CAP2: variants seen among roughly 807,000 people sequenced by gnomAD.
CAP2 encodes cyclase associated actin cytoskeleton regulatory protein 2, also known as adenylyl cyclase-associated protein 2.
CAP2 carries 24 observed loss-of-function variants against 57.7 expected under a neutral mutation model. That is an observed-to-expected ratio of 0.42 (90% CI 0.30 to 0.58). CAP2 has a LOEUF of 0.58. Among genes scored for constraint, CAP2 ranks in the 20% least tolerant of loss-of-function variants. CAP2 has a pLI of 0.22. For missense variants in CAP2, 501 were observed against 590.3 expected, an observed-to-expected ratio of 0.85 and a Z score of 1.57; for synonymous variants, 194 against 207.2, an observed-to-expected ratio of 0.94 and a Z score of 0.55.
At chr6:17,439,312 A>T (rs866396261) in intron 3 of CAP2, among the ~76,000 whole-genome samples, 1 of 148,796 alleles carries the variant, frequency 6.7e-6, no homozygotes, top group Non-Finnish European at 1.5e-5. Context: ...TAATCAGTCC[A>T]TTTCCCCCAT....
At chr6:17,543,624 C>CAAAAAAAAA (rs66747239) in intron 11 of CAP2, among the ~76,000 whole-genome samples, 3 of 83,918 alleles carry the variant, frequency 3.6e-5, no homozygotes, top group South Asian at 4.1e-4. Context: ...GACTCCATCT[C>CAAAAAAAAA]AAAAAAAAAA....
intron 3 of CAP2, among the ~76,000 whole-genome samples, chr6:17,432,113 C>A (rs1292354169): frequency 6.6e-6 from 1 of 152,204 alleles, no homozygotes; most frequent in Non-Finnish European, 1.5e-5. Context: ...TCTTCCTTTA[C>A]ATGAATCTTA....
intron 1 of CAP2, among the ~76,000 whole-genome samples, chr6:17,408,696 C>G (rs913586081): frequency 1.4e-5 from 2 of 139,324 alleles, no homozygotes; most frequent in South Asian, 2.4e-4. Flanking sequence ...GAGTCTCACT[C>G]TGTCGCCACA....
At chr6:17,475,194 C>CAAA (rs1172435772) in intron 4 of CAP2, among the ~76,000 whole-genome samples, 2 of 105,900 alleles carry the variant, frequency 1.9e-5, no homozygotes, top group Non-Finnish European at 4.2e-5. Context: ...GACTCCATCT[C>CAAA]AAAAAAAAAA....
In CAP2 at chr6:17,451,595, C is replaced by T. The variant is rs374068843; in HGVS notation, c.223-11401C>T. Among the ~76,000 whole-genome samples the T allele has an allele frequency of 3.9e-5, 6 of 152,102 alleles. No individual in the cohort carries two copies. In the East Asian group the frequency reaches 7.7e-4, roughly 20 times the overall value. On this transcript the variant is annotated intron_variant, in intron 3 of 12. Transcript: ENST00000229922. ...TGTGATCTCTGGTCACTGCAACTTC[C>T]GCCTCCCGGGTTCAAGCGATTCTCC...
chr6:17,518,648 G>A (rs1004696740), intron 7 of CAP2, among the ~76,000 whole-genome samples: 4 of 151,328 alleles, frequency 2.6e-5, no homozygotes, highest in African/African-American at 9.7e-5. Flanking sequence ...TAATTTTTTT[G>A]TTTTTTTGAG....
Position 17,513,936 on chromosome 6 carries a change from C to A in CAP2, c.618C>A (p.Gly206=). 1 of 1,611,342 alleles carries A rather than the reference C, an allele frequency of 6.2e-7. No individual in the cohort carries two copies. Among genetic ancestry groups the A allele is most frequent in the Non-Finnish European group, 8.5e-7 (1 of 1,177,448 alleles). The stretch of plus-strand genomic sequence containing the variant: ...ACATCAAGGAACACCACACCACGGG[C>A]CTCACATGGAGCAAAACAGTGAGTA... The part of the protein sequence containing the change: ...QAYIKEHHTT[G]LTWSKTGPVA... Residue 206 remains glycine (G), a synonymous_variant, in exon 7 of 13, where the codon GGC becomes GGA. Coordinates refer to ENST00000229922, the MANE Select transcript of CAP2 (RefSeq NM_006366.3). The surrounding 1 kb of genome is among the most constrained non-coding windows in gnomAD (Gnocchi z 4.3).
chr6:17,416,622 A>T (rs941594094), intron 1 of CAP2, among the ~76,000 whole-genome samples: 3 of 152,220 alleles, frequency 2.0e-5, no homozygotes, highest in African/African-American at 7.2e-5. Context: ...CCCAAACTGA[A>T]GAAAACCAAA....
At chr6:17,539,162 C>G (rs915796296) in intron 7 of CAP2, 107 bp from the exon 8 acceptor site, 15 of 1,045,586 alleles carry the variant, frequency 1.4e-5, no homozygotes, top group Non-Finnish European at 2.0e-5. Context: ...TTTGCTCAGG[C>G]TTCAACCCCA....
At chr6:17,420,404 C>G (rs547777450) in intron 1 of CAP2, among the ~76,000 whole-genome samples, 2 of 152,170 alleles carry the variant, frequency 1.3e-5, no homozygotes, top group African/African-American at 2.4e-5. Flanking sequence ...AACAGAAACA[C>G]CAAAACAAAC....
chr6:17,530,191 G>A (rs2113686452), intron 7 of CAP2, among the ~76,000 whole-genome samples: 1 of 152,128 alleles, frequency 6.6e-6, no homozygotes, highest in Non-Finnish European at 1.5e-5. Flanking sequence ...TCCCACCTCA[G>A]CCTCCCAGCT....
chr6:17,499,954 C>A (rs968460809), intron 4 of CAP2, among the ~76,000 whole-genome samples: 3 of 151,528 alleles, frequency 2.0e-5, no homozygotes, highest in Non-Finnish European at 2.9e-5. Context: ...ATATATGAAC[C>A]ATCAAGTCTT....
intron 9 of CAP2, among the ~76,000 whole-genome samples, chr6:17,541,439 G>A (rs1762898399): frequency 6.6e-6 from 1 of 151,954 alleles, no homozygotes; most frequent in Non-Finnish European, 1.5e-5. Flanking sequence ...AATTAGCCGG[G>A]CATGGTGGCA....
At chr6:17,480,392 T>C (rs1027670935) in intron 4 of CAP2, among the ~76,000 whole-genome samples, 14 of 152,204 alleles carry the variant, frequency 9.2e-5, no homozygotes, top group African/African-American at 3.1e-4. Flanking sequence ...TGTAGTGTAT[T>C]CCATAATTTG....
intron 4 of CAP2, among the ~76,000 whole-genome samples, chr6:17,496,868 ATC>A (rs1761683600): frequency 6.6e-6 from 1 of 152,210 alleles, no homozygotes; most frequent in African/African-American, 2.4e-5. Flanking sequence ...ACATAAATGA[ATC>A]TCAGAGAAAA....
rs532748375 is a variant in CAP2, at chr6:17,513,712, C to T, written c.531-137C>T. 1.7e-4 allele frequency: 110 copies of T among 644,924 alleles called. No homozygotes were observed. Among genetic ancestry groups the T allele is most frequent in the Non-Finnish European group, 2.5e-4 (89 of 360,192 alleles). The allele number at this position is 644,924 out of a possible 1,614,324, so 40.0% of individuals were successfully genotyped here. On this transcript the variant is annotated intron_variant, in intron 6 of 12. Coordinates refer to ENST00000229922, the MANE Select transcript of CAP2 (RefSeq NM_006366.3). This position sits in a 1 kb window ranked among gnomAD's most constrained non-coding sequence, Gnocchi z 4.3. ...CAGGGTTCCCTTCTGAAGCCCTTCA[C>T]GGTGCCTGGGTTGCAAGGACGATTG... is the stretch of plus-strand genomic sequence containing the variant.
At chr6:17,474,973 G>A (rs951892212) in intron 4 of CAP2, among the ~76,000 whole-genome samples, 7 of 152,056 alleles carry the variant, frequency 4.6e-5, no homozygotes, top group African/African-American at 1.7e-4. Flanking sequence ...GAGGCGGGCG[G>A]ATCACAAGGT....
chr6:17,483,498 C>A lies in CAP2; in HGVS notation c.300+20425C>A, dbSNP rs182461814. ...CCAGGGAGACATACCCAGATTAGAC[C>A]AACTCCTCAGGGTGCAGACAAGGTG... is the stretch of plus-strand genomic sequence containing the variant. On this transcript the variant is annotated intron_variant, in intron 4 of 12. Coordinates refer to ENST00000229922, the MANE Select transcript of CAP2 (RefSeq NM_006366.3). 5.1e-4 allele frequency among the ~76,000 whole-genome samples: 77 copies of A among 152,260 alleles called. No homozygotes were observed. In the East Asian group the frequency reaches 0.014, roughly 27 times the overall value.
rs142571727 is a variant in CAP2 at position 17,543,196 on chromosome 6, G to A, written c.1209+53G>A. On this transcript the variant is annotated intron_variant, in intron 11 of 12. Coordinates refer to ENST00000229922, the MANE Select transcript of CAP2 (RefSeq NM_006366.3). ...TAATAAGCAGAGCCTTTCCAACCAC[G>A]CTGTAATAAGCAGAGCCTTTCCAAC... 8.7e-5 allele frequency: 124 copies of A among 1,428,512 alleles called. 2 individuals are homozygous for A. The highest frequency in any genetic ancestry group is 5.5e-4 in the Middle Eastern group (3 of 5,462). 88.5% of individuals were successfully genotyped at this position (1,428,512 alleles called of 1,614,324 possible).
Sources: gnomAD v4.1 joint callset for allele counts (sites outside exome capture counted in the v4.1 genomes callset) on GRCh38, gnomAD v4.1.1 for gene constraint, Gnocchi (gnomAD v3.1) non-coding constraint, MANE v1.5 for transcripts, NCBI Gene and HGNC (gene_info 2026-07-23, HGNC 2026-07-21) for gene names.